The following PDLIM5 variants were observed in gnomAD, a reference collection of about 807,000 sequenced individuals.
PDLIM5 encodes the protein PDZ and LIM domain 5, also known as PDZ and LIM domain protein 5.
A neutral mutation model predicts 64.2 loss-of-function variants in PDLIM5; 34 were observed. That is an observed-to-expected ratio of 0.53 (90% CI 0.40 to 0.71). PDLIM5 has a LOEUF of 0.71. Among genes scored for constraint, PDLIM5 ranks in the 30% least tolerant of loss-of-function variants. The pLI is 0.00. For missense variants in PDLIM5, 683 were observed against 733.6 expected (o/e 0.93, Z 0.80); for synonymous variants, 253 against 269.1 (o/e 0.94, Z 0.59).
intron 7 of PDLIM5, among the ~76,000 whole-genome samples, chr4:94,617,694 G>C (rs1036378802): frequency 5.3e-5 from 8 of 150,900 alleles, no homozygotes; most frequent in African/African-American, 1.9e-4. Context: ...TAACTGGTAA[G>C]GGCTGAGGTG....
At chr4:94,561,605 T>C (rs925604664) in intron 3 of PDLIM5, among the ~76,000 whole-genome samples, 1 of 152,234 alleles carries the variant, frequency 6.6e-6, no homozygotes, top group Non-Finnish European at 1.5e-5. Context: ...GTGACTCTAA[T>C]AAAAGAGGAA....
At chr4:94,653,884 T>G (rs1342563799) in intron 9 of PDLIM5, among the ~76,000 whole-genome samples, 1 of 152,124 alleles carries the variant, frequency 6.6e-6, no homozygotes, top group Non-Finnish European at 1.5e-5. Flanking sequence ...GTTCCTGTAG[T>G]CATTTTGGAG....
At chr4:94,532,427 CT>C (rs1355169843) in intron 3 of PDLIM5, among the ~76,000 whole-genome samples, 2 of 152,166 alleles carry the variant, frequency 1.3e-5, no homozygotes, top group East Asian at 3.8e-4. Context: ...TTCTACAGCC[CT>C]TGGTATTTAT....
At chr4:94,481,906 A>C (rs572156433) in intron 2 of PDLIM5, among the ~76,000 whole-genome samples, 2 of 151,782 alleles carry the variant, frequency 1.3e-5, no homozygotes, top group Non-Finnish European at 2.9e-5. Context: ...ACCGTGGCCC[A>C]TTATTCCAGT....
At chr4:94,639,912 A>G (rs1740862674) in intron 8 of PDLIM5, among the ~76,000 whole-genome samples, 1 of 152,036 alleles carries the variant, frequency 6.6e-6, no homozygotes, top group Non-Finnish European at 1.5e-5. Flanking sequence ...CTGTAATCCC[A>G]GCTACTTGGG....
At chr4:94,535,027 G>A (rs896388698) in intron 3 of PDLIM5, among the ~76,000 whole-genome samples, 23 of 152,176 alleles carry the variant, frequency 1.5e-4, no homozygotes, top group African/African-American at 4.6e-4. Flanking sequence ...TAGACACTGA[G>A]GTATTATTGA....
intron 7 of PDLIM5, among the ~76,000 whole-genome samples, chr4:94,610,817 T>G (rs1738304178): frequency 6.6e-6 from 1 of 152,240 alleles, no homozygotes; most frequent in Non-Finnish European, 1.5e-5. Context: ...GCTTTCTAAA[T>G]GATGGCTTTG....
At chr4:94,585,831 G>T (rs903029929) in intron 6 of PDLIM5, 94 bp downstream of exon 6, 8 of 923,414 alleles carry the variant, frequency 8.7e-6, no homozygotes, top group African/African-American at 1.6e-5. Context: ...AAACAACCCC[G>T]AGACAGTTTG....
rs1736056221 is a variant in PDLIM5 at position 94,585,088 on chromosome 4, T to C, written c.711-477T>C. ...GTTTTTTACTTATAATTTAAAAGGT[T>C]TTTTTGTTTTGTTTTTTTGTGAAAC... is the stretch of plus-strand genomic sequence containing the variant. On this transcript the variant is annotated intron_variant, in intron 5 of 12. Coordinates refer to ENST00000317968, the MANE Select transcript of PDLIM5 (RefSeq NM_006457.5). 5 of 759,622 alleles carry C rather than the reference T, an allele frequency of 6.6e-6. No homozygotes were observed. The South Asian group carries it at 6.9e-5, about 10-fold the overall frequency. The allele number at this position is 759,622 out of a possible 1,614,324, so 47.1% of individuals were successfully genotyped here. A position where few individuals can be genotyped will look rare whatever the true frequency, so the allele number is the denominator to read the frequency against.
At chr4:94,547,282 G>A (rs10213504) in intron 3 of PDLIM5, among the ~76,000 whole-genome samples, 30,258 of 151,932 alleles carry the variant, frequency 0.2, 3,390 homozygotes, top group African/African-American at 0.29. Context: ...AAAATTAACG[G>A]GTCGACCTTC....
Position 94,618,097 on chromosome 4 carries a change from A to G in PDLIM5, c.1014A>G (p.Pro338=), listed in dbSNP as rs757991190. The change falls in exon 8 of 13, where the codon CCA becomes CCG. Residue 338 remains proline, a synonymous_variant. Coordinates refer to ENST00000317968, the MANE Select transcript of PDLIM5 (RefSeq NM_006457.5). ...TGGACAGCCCAACCTCTGGCAGACC[A>G]GGGGTTACCAGCCTCACAGCTGCAG... The part of the protein sequence containing the change: ...ESLDSPTSGR[P]GVTSLTAAAA... The G allele has an allele frequency of 1.3e-5, 21 of 1,612,138 alleles. No homozygotes were observed. The highest frequency in any genetic ancestry group is 1.7e-5 in the Non-Finnish European group (20 of 1,179,098).
Position 94,664,949 on chromosome 4 carries a change from C to G in PDLIM5, c.*882C>G. The G allele has an allele frequency of 1.0e-6, 1 of 981,032 alleles. No individual in the cohort carries two copies. 60.8% of individuals were successfully genotyped at this position (981,032 alleles called of 1,614,324 possible). A position where few individuals can be genotyped will look rare whatever the true frequency, so the allele number is the denominator to read the frequency against. Reference sequence around the variant, plus strand: ...AGGAAAGGACAATAAGATTTTTTATCAAAATGTGTCATGCCAGTAAGAGAT... The same window carrying G: ...AGGAAAGGACAATAAGATTTTTTATGAAAATGTGTCATGCCAGTAAGAGAT... On this transcript the variant is annotated 3_prime_UTR_variant, in exon 13 of 13. Coordinates refer to ENST00000317968, the MANE Select transcript of PDLIM5 (RefSeq NM_006457.5).
chr4:94,595,256 T>C (rs540086881), intron 7 of PDLIM5, among the ~76,000 whole-genome samples: 11 of 152,276 alleles, frequency 7.2e-5, no homozygotes, highest in African/African-American at 2.4e-4. Context: ...CCAAACCATA[T>C]CAATGGTTAA....
chr4:94,609,045 T>A (rs1003396178), intron 7 of PDLIM5, among the ~76,000 whole-genome samples: 6 of 152,196 alleles, frequency 3.9e-5, no homozygotes, highest in Non-Finnish European at 7.4e-5. Flanking sequence ...ATTTTTTTTC[T>A]AATCGTTTTT....
At position 94,523,772 on chromosome 4, in the gene PDLIM5, G is replaced by A; in HGVS notation, c.145G>A (p.Val49Met). Residue 49 changes from valine to methionine, a missense_variant, in exon 3 of 13, where the codon GTG becomes ATG. By Grantham distance (21) the Val-to-Met change is conservative. Coordinates refer to ENST00000317968, the MANE Select transcript of PDLIM5 (RefSeq NM_006457.5). ...CCAGGCAAATGTAAGAATAGGCGAT[G>A]TGGTTCTCAGCATTGATGGAATAAA... ...AAQANVRIGD[V>M]VLSIDGINAQ... is the part of the protein sequence containing the mutation. 1 of 1,612,950 alleles carries A rather than the reference G, an allele frequency of 6.2e-7. No individual in the cohort carries two copies. The highest frequency in any genetic ancestry group is 8.5e-7 in the Non-Finnish European group (1 of 1,178,952).
intron 8 of PDLIM5, among the ~76,000 whole-genome samples, chr4:94,633,984 C>T (rs899766379): frequency 3.3e-5 from 5 of 152,028 alleles, no homozygotes; most frequent in Non-Finnish European, 2.9e-5. Context: ...ATCAGAAGCA[C>T]GCTGGCCAGT....
intron 8 of PDLIM5, among the ~76,000 whole-genome samples, chr4:94,631,065 CTTTT>C (rs35302992): frequency 7.4e-6 from 1 of 135,688 alleles, no homozygotes; most frequent in African/African-American, 2.8e-5. Flanking sequence ...CCATGCCAAA[CTTTT>C]TTTTTTTTTT....
chr4:94,584,204 T>C (rs1450998789), intron 5 of PDLIM5, among the ~76,000 whole-genome samples: 1 of 152,236 alleles, frequency 6.6e-6, no homozygotes, highest in African/African-American at 2.4e-5. Context: ...TCGTATCTTG[T>C]GCCAGTAGTC....
At chr4:94,626,078 G>A (rs114793663) in intron 8 of PDLIM5, among the ~76,000 whole-genome samples, 2 of 152,222 alleles carry the variant, frequency 1.3e-5, no homozygotes, top group African/African-American at 4.8e-5. Context: ...AATTTCTTTT[G>A]ATCAAACGAA....
Sources: gnomAD v4.1 joint callset for allele counts (sites outside exome capture counted in the v4.1 genomes callset) on GRCh38, gnomAD v4.1.1 for gene constraint, MANE v1.5 for transcripts, NCBI Gene and HGNC (gene_info 2026-07-23, HGNC 2026-07-21) for gene names.